The following DMXL2 variants were observed in gnomAD, a reference collection of about 807,000 sequenced individuals.
DMXL2 encodes the protein Dmx like 2.
A neutral mutation model predicts 331.1 loss-of-function variants in DMXL2; 103 were observed. That is an observed-to-expected ratio of 0.31 (90% CI 0.27 to 0.37). The LOEUF is 0.37. DMXL2 is among the 10% of genes least tolerant of loss of function. DMXL2 has a pLI of 1.00. For synonymous variants in DMXL2, 1,281 were observed against 1,252.1 expected (o/e 1.02, Z -0.49); for missense variants, 3,171 against 3,642.9 (o/e 0.87, Z 3.33).
rs747185333 is a variant in DMXL2 at position 51,514,586 on chromosome 15, G to A, written c.2527-27C>T. On this transcript the variant is annotated intron_variant, in intron 14 of 43. Transcript: ENST00000560891. Reference sequence around the variant, plus strand: ...TACAAATACAAAAAAAAATGAAGAGGTTTTATCTTTGAAATTCCCTGTCTC... The same window carrying A: ...TACAAATACAAAAAAAAATGAAGAGATTTTATCTTTGAAATTCCCTGTCTC... 7.7e-6 allele frequency: 11 copies of A among 1,427,436 alleles called. No individual in the cohort carries two copies. The South Asian group carries it at 1.4e-4, about 18-fold the overall frequency. The allele number at this position is 1,427,436 out of a possible 1,614,324, so 88.4% of individuals were successfully genotyped here. A position where few individuals can be genotyped will look rare whatever the true frequency, so the allele number is the denominator to read the frequency against.
chr15:51,594,947 A>C (rs952006530), intron 1 of DMXL2, among the ~76,000 whole-genome samples: 17 of 152,230 alleles, frequency 1.1e-4, no homozygotes, highest in Non-Finnish European at 2.4e-4. Flanking sequence ...ACGGTCTGTC[A>C]TATCACAGCC....
Position 51,564,191 on chromosome 15 carries a change from T to C in DMXL2, c.434A>G (p.Glu145Gly), listed in dbSNP as rs556891091. ...AACTGTATTATCAATTTCTTCCTCC[T>C]CTTCCAGAATATCATCTCCTGGAGG... ...WAPPGDDILE[E>G]EEEIDNTVPP... Residue 145 changes from glutamate to glycine, a missense_variant, in exon 5 of 44, where the codon GAG becomes GGG. Physicochemically the swap from Glu to Gly is moderately conservative, Grantham distance 98. Coordinates refer to ENST00000560891, the MANE Select transcript of DMXL2 (RefSeq NM_001378457.1). The C allele has an allele frequency of 6.2e-7, 1 of 1,609,006 alleles. No individual in the cohort carries two copies.
Position 51,486,335 on chromosome 15 carries a change from T to C in DMXL2, c.5220A>G (p.Val1740=), listed in dbSNP as rs904167040. Residue 1740 remains valine (V), a splice_region_variant and synonymous_variant, in exon 23 of 44, where the codon GTA becomes GTG. Coordinates refer to ENST00000560891, the MANE Select transcript of DMXL2 (RefSeq NM_001378457.1). ...GAATATCTTCCATTTTTTCAAGACA[T>C]ACCTGCAAATTTAAATATTAATACT... ...LAGSLKDAIE[V]CLEKMEDIQL... The C allele has an allele frequency of 6.3e-7, 1 of 1,577,248 alleles. No individual in the cohort carries two copies.
In DMXL2 at chr15:51,568,543, C is replaced by T; in HGVS notation, c.229G>A (p.Gly77Ser). 6.3e-7 allele frequency: 1 copy of T among 1,575,590 alleles called. No individual in the cohort carries two copies. The highest frequency in any genetic ancestry group is 2.3e-5 in the East Asian group (1 of 43,758). The change falls in exon 3 of 44, where the codon GGT (glycine) becomes AGT (serine). Residue 77 changes from glycine (G) to serine (S), a missense_variant. This residue lies in a region of DMXL2 where 1,674 missense variants were observed against 1,780.2 expected (regional missense o/e 0.94). Coordinates refer to ENST00000560891, the MANE Select transcript of DMXL2 (RefSeq NM_001378457.1). ...GGCTCAAATATACAAACAGCATTAC[C>T]ATATGAAGCTGCAATCTAAAAAAGA... ...NQQGRIAASY[G>S]NAVCIFEPLG...
At chr15:51,593,548 C>T (rs2052558452) in intron 1 of DMXL2, among the ~76,000 whole-genome samples, 1 of 152,210 alleles carries the variant, frequency 6.6e-6, no homozygotes, top group Non-Finnish European at 1.5e-5. Flanking sequence ...TTCAACTCAG[C>T]TCTGCACCAA....
intron 1 of DMXL2, among the ~76,000 whole-genome samples, chr15:51,592,761 C>G (rs978108665): frequency 6.9e-6 from 1 of 145,366 alleles, no homozygotes; most frequent in Non-Finnish European, 1.5e-5. Context: ...GGCCAATATT[C>G]AACATTCTTA....
intron 1 of DMXL2, among the ~76,000 whole-genome samples, chr15:51,586,075 C>T (rs901565839): frequency 1.3e-5 from 2 of 152,128 alleles, no homozygotes; most frequent in African/African-American, 4.8e-5. Flanking sequence ...TTCAGTTATT[C>T]TAACTGCCCA....
At chr15:51,487,204 A>G (rs1052415029) in intron 22 of DMXL2, among the ~76,000 whole-genome samples, 1 of 152,186 alleles carries the variant, frequency 6.6e-6, no homozygotes, top group African/African-American at 2.4e-5. Context: ...GTTTTCTAAT[A>G]TAATATTCTA....
At chr15:51,517,250 G>T (rs1030504576) in intron 13 of DMXL2, 83 bp from the exon 14 acceptor site, 5 of 983,534 alleles carry the variant, frequency 5.1e-6, no homozygotes, top group Admixed American at 1.9e-5. Context: ...GACATTTAAG[G>T]CCCCCTCTAA....
Position 51,448,199 on chromosome 15 carries a change from A to C in DMXL2, c.*785T>G, listed in dbSNP as rs2038844332. The C allele has an allele frequency of 6.6e-6, 1 of 152,656 alleles. No homozygotes were observed. The highest frequency in any genetic ancestry group is 2.1e-4 in the South Asian group (1 of 4,836). The allele number at this position is 152,656 out of a possible 1,614,324, so 9.5% of individuals were successfully genotyped here. A position where few individuals can be genotyped will look rare whatever the true frequency, so the allele number is the denominator to read the frequency against. ...TGGTGTAGTTTCAACATATCCTTAAATGTTTGGGTGTTTAACCTTGAATAC... is the reference window on the plus strand; with the variant it reads ...TGGTGTAGTTTCAACATATCCTTAACTGTTTGGGTGTTTAACCTTGAATAC... On this transcript the variant is annotated 3_prime_UTR_variant, in exon 44 of 44. Coordinates refer to ENST00000560891, the MANE Select transcript of DMXL2 (RefSeq NM_001378457.1).
At chr15:51,590,589 G>C (rs1048829633) in intron 1 of DMXL2, among the ~76,000 whole-genome samples, 5 of 151,604 alleles carry the variant, frequency 3.3e-5, no homozygotes, top group African/African-American at 1.2e-4. Context: ...TAAGAGATGG[G>C]GTCTCAATAT....
At position 51,455,874 on chromosome 15, in the gene DMXL2, A is replaced by T. The variant is rs902808645; in HGVS notation, c.8526+192T>A. 3.0e-4 allele frequency among the ~76,000 whole-genome samples: 45 copies of T among 152,170 alleles called. 1 individual carries two copies. Among genetic ancestry groups the T allele is most frequent in the Non-Finnish European group, 8.8e-5 (6 of 68,042 alleles). On this transcript the variant is annotated intron_variant, in intron 39 of 43. Transcript: ENST00000560891. Reference sequence around the variant, plus strand: ...ATTTAGTATCTTTAAATAGATGATTAATCCATACTAAATTTTGTAGATTTT... The same window carrying T: ...ATTTAGTATCTTTAAATAGATGATTTATCCATACTAAATTTTGTAGATTTT...
At chr15:51,550,727 G>C (rs1488179550) in intron 6 of DMXL2, among the ~76,000 whole-genome samples, 2 of 151,986 alleles carry the variant, frequency 1.3e-5, no homozygotes, top group Non-Finnish European at 2.9e-5. Context: ...TAGAATTTCA[G>C]CAAACATCTC....
At chr15:51,588,481 A>G (rs2052031314) in intron 1 of DMXL2, among the ~76,000 whole-genome samples, 1 of 152,124 alleles carries the variant, frequency 6.6e-6, no homozygotes, top group South Asian at 2.1e-4. Flanking sequence ...CCCAGCCACA[A>G]TACTGTTTCT....
chr15:51,545,868 C>A, intron 7 of DMXL2, 102 bp from the exon 8 acceptor site: 3 of 900,122 alleles, frequency 3.3e-6, no homozygotes, highest in South Asian at 2.1e-5. Context: ...TAGTGCAAAA[C>A]ACTATGGAAA....
intron 8 of DMXL2, among the ~76,000 whole-genome samples, chr15:51,544,274 G>A (rs2048769665): frequency 6.6e-6 from 1 of 152,156 alleles, no homozygotes; most frequent in African/African-American, 2.4e-5. Flanking sequence ...CTTTGCAATA[G>A]CGAGTGAGTT....
At chr15:51,554,384 A>G (rs1329780561) in intron 6 of DMXL2, among the ~76,000 whole-genome samples, 2 of 152,254 alleles carry the variant, frequency 1.3e-5, no homozygotes, top group African/African-American at 4.8e-5. Context: ...TTAAAGATCC[A>G]AAGTTTTAAA....
At position 51,507,118 on chromosome 15, in the gene DMXL2, A is replaced by T. The variant is rs749587198; in HGVS notation, c.2764+16T>A. The T allele has an allele frequency of 7.6e-5, 119 of 1,568,906 alleles. No homozygotes were observed. Among genetic ancestry groups the T allele is most frequent in the Admixed American group, 2.3e-4 (13 of 55,350 alleles). On this transcript the variant is annotated intron_variant, in intron 16 of 43. Coordinates refer to ENST00000560891, the MANE Select transcript of DMXL2 (RefSeq NM_001378457.1). Reference sequence around the variant, plus strand: ...TTTGTTATGTATCATCTCTGTATAAAACTATAATTACTTACCTAAACATGC... The same window carrying T: ...TTTGTTATGTATCATCTCTGTATAATACTATAATTACTTACCTAAACATGC...
intron 1 of DMXL2, among the ~76,000 whole-genome samples, chr15:51,599,762 C>T (rs376803350): frequency 3.2e-4 from 49 of 151,818 alleles, no homozygotes; most frequent in Non-Finnish European, 7.4e-5. Context: ...TGCAGTGGTG[C>T]CATCTTGGCT....
Sources: gnomAD v4.1 joint callset for allele counts (sites outside exome capture counted in the v4.1 genomes callset) on GRCh38, gnomAD v4.1.1 for gene constraint, gnomAD v4.1.1 regional missense constraint, MANE v1.5 for transcripts, NCBI Gene and HGNC (gene_info 2026-07-23, HGNC 2026-07-21) for gene names.